DACH1: variants seen among roughly 807,000 people sequenced by gnomAD.
DACH1 encodes the protein dachshund family transcription factor 1.
In DACH1, 12 loss-of-function variants were observed where a neutral mutation model predicts 54.2. The ratio of observed to expected loss-of-function variants is 0.22; its 90% CI spans 0.14 to 0.36. The LOEUF (loss-of-function observed/expected upper bound fraction) is 0.36. Ranked by LOEUF, DACH1 falls within the 10% of genes least tolerant of loss-of-function variation. DACH1 has a pLI of 1.00. For synonymous variants in DACH1, 386 were observed against 366.2 expected, an observed-to-expected ratio of 1.05 and a Z score of -0.62; for missense variants, 805 against 929.8, an observed-to-expected ratio of 0.87 and a Z score of 1.75.
intron 7 of DACH1, among the ~76,000 whole-genome samples, chr13:71,483,281 T>G (rs1878208597): frequency 6.7e-6 from 1 of 150,158 alleles, no homozygotes; most frequent in East Asian, 1.9e-4. Context: ...TGATATTAGC[T>G]TCCCCATATT....
chr13:71,625,548 T>A (rs1876583797), intron 3 of DACH1, among the ~76,000 whole-genome samples: 1 of 151,988 alleles, frequency 6.6e-6, no homozygotes. Flanking sequence ...TTCATATATT[T>A]GTTTTGTTTT....
At chr13:71,498,298 G>A (rs1879616074) in intron 6 of DACH1, among the ~76,000 whole-genome samples, 1 of 152,088 alleles carries the variant, frequency 6.6e-6, no homozygotes. Flanking sequence ...CATATAGTAA[G>A]TACTTATTAA....
At chr13:71,596,853 G>A (rs1005680704) in intron 3 of DACH1, among the ~76,000 whole-genome samples, 4 of 152,118 alleles carry the variant, frequency 2.6e-5, no homozygotes, top group Non-Finnish European at 5.9e-5. Flanking sequence ...AAAATTTGTG[G>A]GCAAATAGGT....
At chr13:71,845,077 G>T (rs1193407327) in intron 1 of DACH1, among the ~76,000 whole-genome samples, 1 of 152,084 alleles carries the variant, frequency 6.6e-6, no homozygotes, top group Non-Finnish European at 1.5e-5. Flanking sequence ...TTAATAATAT[G>T]TGATATAGGT....
At chr13:71,544,093 T>C (rs1883313614) in intron 6 of DACH1, among the ~76,000 whole-genome samples, 1 of 152,256 alleles carries the variant, frequency 6.6e-6, no homozygotes, top group South Asian at 2.1e-4. Flanking sequence ...ACCACATATC[T>C]TTCTCTAGAA....
chr13:71,706,530 C>A (rs1882457482), intron 1 of DACH1, among the ~76,000 whole-genome samples: 1 of 152,060 alleles, frequency 6.6e-6, no homozygotes, highest in African/African-American at 2.4e-5. Flanking sequence ...GATGTGATTA[C>A]TTGGACATAT....
At chr13:71,513,673 T>G (rs867147536) in intron 6 of DACH1, among the ~76,000 whole-genome samples, 1 of 152,118 alleles carries the variant, frequency 6.6e-6, no homozygotes. Flanking sequence ...TGGACATTGC[T>G]TGAAAGCATC....
At chr13:71,703,719 A>AAG (rs1336752614) in intron 1 of DACH1, among the ~76,000 whole-genome samples, 1 of 152,200 alleles carries the variant, frequency 6.6e-6, no homozygotes, top group African/African-American at 2.4e-5. Flanking sequence ...GCATAGGACT[A>AAG]AGAGTAGACC....
At chr13:71,694,223 C>T (rs1881695806) in intron 1 of DACH1, among the ~76,000 whole-genome samples, 1 of 152,118 alleles carries the variant, frequency 6.6e-6, no homozygotes, top group African/African-American at 2.4e-5. Context: ...CAAGCACACA[C>T]ACATCCGCCA....
intron 1 of DACH1, among the ~76,000 whole-genome samples, chr13:71,771,461 GTA>G (rs1885851613): frequency 6.6e-6 from 1 of 151,486 alleles, no homozygotes; most frequent in African/African-American, 2.4e-5. Context: ...ATGCAAATCA[GTA>G]TGTCAATTTA....
At chr13:71,680,044 A>G (rs900069667) in intron 2 of DACH1, among the ~76,000 whole-genome samples, 2 of 152,172 alleles carry the variant, frequency 1.3e-5, no homozygotes, top group Non-Finnish European at 2.9e-5. Context: ...CTAAACAGAA[A>G]TCTTTATCAT....
intron 1 of DACH1, among the ~76,000 whole-genome samples, chr13:71,864,275 G>A (rs1411163254): frequency 6.6e-6 from 1 of 151,792 alleles, no homozygotes; most frequent in Non-Finnish European, 1.5e-5. Context: ...CCCATGGAAG[G>A]AAGAATACCT....
intron 10 of DACH1, among the ~76,000 whole-genome samples, chr13:71,465,711 C>T (rs1566275460): frequency 6.6e-6 from 1 of 151,884 alleles, no homozygotes; most frequent in African/African-American, 2.4e-5. Context: ...ATATATTTTT[C>T]ATAAATCTGA....
In DACH1 at chr13:71,565,745, C is replaced by T. The variant is rs116533876; in HGVS notation, c.1300-5790G>A. On this transcript the variant is annotated intron_variant, in intron 4 of 10. Transcript: ENST00000613252. ...TCTAAACATGAAACTGGCAAGACCC[C>T]GTGAAACAACTTAATATAATCTGAA... Among the ~76,000 whole-genome samples, 887 of 152,208 alleles carry T rather than the reference C, an allele frequency of 5.8e-3. 10 individuals are homozygous for T. The highest frequency in any genetic ancestry group is 0.02 in the African/African-American group (836 of 41,528).
chr13:71,546,591 C>T (rs1883481639), intron 6 of DACH1, among the ~76,000 whole-genome samples: 1 of 151,822 alleles, frequency 6.6e-6, no homozygotes, highest in African/African-American at 2.4e-5. Flanking sequence ...TTAGGTAGAG[C>T]TATATGCAAT....
chr13:71,623,531 C>T (rs1440624968), intron 3 of DACH1, among the ~76,000 whole-genome samples: 2 of 151,614 alleles, frequency 1.3e-5, no homozygotes, highest in Non-Finnish European at 1.5e-5. Context: ...TCATATAATG[C>T]TTGCATAATA....
At chr13:71,505,451 T>C (rs1168096430) in intron 6 of DACH1, among the ~76,000 whole-genome samples, 1 of 152,116 alleles carries the variant, frequency 6.6e-6, no homozygotes, top group Non-Finnish European at 1.5e-5. Flanking sequence ...AATAACCATA[T>C]AAGTCTACTG....
chr13:71,792,739 TTATC>T (rs1344270735), intron 1 of DACH1, among the ~76,000 whole-genome samples: 1 of 152,154 alleles, frequency 6.6e-6, no homozygotes. Context: ...TCATTCGACT[TTATC>T]TAGCCCTAAC....
At chr13:71,863,749 G>T (rs1188912309) in intron 1 of DACH1, among the ~76,000 whole-genome samples, 1 of 151,466 alleles carries the variant, frequency 6.6e-6, no homozygotes, top group East Asian at 1.9e-4. Context: ...TTATAATGCA[G>T]TCATTGAAGA....
Sources: gnomAD v4.1 joint callset for allele counts (sites outside exome capture counted in the v4.1 genomes callset) on GRCh38, gnomAD v4.1.1 for gene constraint, MANE v1.5 for transcripts, NCBI Gene and HGNC (gene_info 2026-07-23, HGNC 2026-07-21) for gene names.